NCKAP5: variants seen among roughly 807,000 people sequenced by gnomAD.
NCKAP5 encodes NCK associated protein 5, also known as nck-associated protein 5.
A neutral mutation model predicts 167.0 loss-of-function variants in NCKAP5; 92 were observed. The observed-to-expected ratio is 0.55, with a 90% CI of 0.47 to 0.66. The LOEUF is 0.66. Among genes scored for constraint, NCKAP5 ranks in the 30% least tolerant of loss-of-function variants. The pLI is 0.00. For synonymous variants in NCKAP5, 891 were observed against 877.4 expected (o/e 1.02, Z -0.27); for missense variants, 2,378 against 2,315.0 (o/e 1.03, Z -0.56).
the NCKAP5 span, among the ~76,000 whole-genome samples, chr2:133,580,812 C>T: frequency 1.3e-5 from 2 of 152,180 alleles, no homozygotes; most frequent in African/African-American, 4.8e-5. Context: ...CCATCAAAGA[C>T]ATTCATTATT....
intron 8 of NCKAP5, among the ~76,000 whole-genome samples, chr2:132,933,682 C>A (rs1293049753): frequency 6.6e-6 from 1 of 152,132 alleles, no homozygotes; most frequent in African/African-American, 2.4e-5. Flanking sequence ...TTGATCTGAT[C>A]AAAATGTATG....
At chr2:132,742,112 C>A (rs1679252028) in intron 16 of NCKAP5, among the ~76,000 whole-genome samples, 1 of 151,978 alleles carries the variant, frequency 6.6e-6, no homozygotes, top group African/African-American at 2.4e-5. Flanking sequence ...AGGTTCACTC[C>A]ATCTCTAGCT....
chr2:133,451,053 C>A (rs1462975756), intron 3 of NCKAP5, among the ~76,000 whole-genome samples: 1 of 152,160 alleles, frequency 6.6e-6, no homozygotes, highest in Non-Finnish European at 1.5e-5. Flanking sequence ...GAAATAGGGT[C>A]TTTGTAGCTG....
In NCKAP5 at chr2:132,920,679, AAGTTAGTT is replaced by A. The variant is rs1253406032; in HGVS notation, c.580-41771_580-41764del. On this transcript the variant is annotated intron_variant, in intron 8 of 19. Transcript: ENST00000409261. ...AGAACTTATATATATATATATATAT[AAGTTAGTT>A]TATATATATATATACGTATATGTAT... Among the ~76,000 whole-genome samples, 592 of 110,946 alleles carry A rather than the reference AAGTTAGTT, an allele frequency of 5.3e-3. 37 individuals carry two copies. The highest frequency in any genetic ancestry group is 0.023 in the African/African-American group (532 of 23,558). The allele number at this position is 110,946 out of a possible 152,430, so 72.8% of individuals were successfully genotyped here. A position where few individuals can be genotyped will look rare whatever the true frequency, so the allele number is the denominator to read the frequency against.
At chr2:133,187,362 C>A (rs2084992648) in intron 5 of NCKAP5, among the ~76,000 whole-genome samples, 1 of 151,832 alleles carries the variant, frequency 6.6e-6, no homozygotes, top group African/African-American at 2.4e-5. Flanking sequence ...ACTTGGAAAG[C>A]ACAATGTAAA....
chr2:133,246,089 C>G (rs778372517), intron 4 of NCKAP5, among the ~76,000 whole-genome samples: 12 of 151,996 alleles, frequency 7.9e-5, no homozygotes, highest in Non-Finnish European at 1.5e-4. Context: ...TGGAAACATG[C>G]ATAGCATCTG....
intron 3 of NCKAP5, among the ~76,000 whole-genome samples, chr2:133,350,655 T>A (rs900272883): frequency 6.6e-6 from 1 of 152,078 alleles, no homozygotes; most frequent in Non-Finnish European, 1.5e-5. Context: ...TGTGGTAGTT[T>A]AGATAATAAA....
intron 7 of NCKAP5, among the ~76,000 whole-genome samples, chr2:132,977,507 A>G (rs994733308): frequency 6.6e-6 from 1 of 152,138 alleles, no homozygotes; most frequent in African/African-American, 2.4e-5. Flanking sequence ...TGTCTTCCCT[A>G]AGACACCCTG....
intron 4 of NCKAP5, among the ~76,000 whole-genome samples, chr2:133,293,191 G>A (rs916239893): frequency 2.0e-5 from 3 of 152,180 alleles, no homozygotes; most frequent in African/African-American, 7.2e-5. Flanking sequence ...GAGTGAAGAG[G>A]AAGGGATAAA....
chr2:133,614,880 T>G, the NCKAP5 span, among the ~76,000 whole-genome samples: 1 of 152,056 alleles, frequency 6.6e-6, no homozygotes, highest in African/African-American at 2.4e-5. Context: ...AAGGATAAAA[T>G]GTTAAGGGCA....
chr2:133,078,598 G>C (rs7564815), intron 6 of NCKAP5, among the ~76,000 whole-genome samples: 5,753 of 152,166 alleles, frequency 0.038, 204 homozygotes, highest in African/African-American at 0.094. Context: ...TGTGAGAGTA[G>C]ACAGAAAAGT....
At chr2:133,576,777 T>C in the NCKAP5 span, among the ~76,000 whole-genome samples, 3 of 152,242 alleles carry the variant, frequency 2.0e-5, no homozygotes, top group Non-Finnish European at 4.4e-5. Context: ...ACTAATCTCT[T>C]GGATACAGAG....
At chr2:132,852,754 T>A (rs1689171413) in intron 11 of NCKAP5, among the ~76,000 whole-genome samples, 1 of 152,216 alleles carries the variant, frequency 6.6e-6, no homozygotes, top group African/African-American at 2.4e-5. Context: ...CAAACTCCTA[T>A]TTATTCTTCA....
intron 8 of NCKAP5, among the ~76,000 whole-genome samples, chr2:132,882,684 G>A (rs1040976163): frequency 2.0e-5 from 3 of 152,062 alleles, no homozygotes; most frequent in African/African-American, 7.2e-5. Flanking sequence ...GTTTCTGATA[G>A]TATTCAAATT....
At chr2:133,482,877 T>C (rs1680577599) in intron 3 of NCKAP5, among the ~76,000 whole-genome samples, 1 of 152,196 alleles carries the variant, frequency 6.6e-6, no homozygotes, top group Non-Finnish European at 1.5e-5. Flanking sequence ...TTGTCTTTTT[T>C]TGTCTCTCAT....
chr2:132,796,998 G>A (rs2105171747), intron 11 of NCKAP5, among the ~76,000 whole-genome samples: 1 of 152,156 alleles, frequency 6.6e-6, no homozygotes, highest in South Asian at 2.1e-4. Context: ...ATAAGTAGTA[G>A]TTAAAAAAAT....
chr2:133,127,319 ATC>A (rs1409582668), intron 6 of NCKAP5, among the ~76,000 whole-genome samples: 1 of 152,238 alleles, frequency 6.6e-6, no homozygotes, highest in African/African-American at 2.4e-5. Flanking sequence ...TTGTGTAATT[ATC>A]TGTTACATAT....
chr2:133,188,092 G>A (rs1443121295), intron 5 of NCKAP5, among the ~76,000 whole-genome samples: 1 of 152,080 alleles, frequency 6.6e-6, no homozygotes, highest in South Asian at 2.1e-4. Flanking sequence ...AATTTGGCAT[G>A]TTTTTGCAGT....
At chr2:133,462,966 C>T (rs1326147230) in intron 3 of NCKAP5, among the ~76,000 whole-genome samples, 1 of 152,174 alleles carries the variant, frequency 6.6e-6, no homozygotes, top group Non-Finnish European at 1.5e-5. Flanking sequence ...CTGACTTCAC[C>T]GAATATCTTC....
Sources: allele counts gnomAD v4.1 joint callset (sites outside exome capture counted in the v4.1 genomes callset), GRCh38; gene constraint gnomAD v4.1.1; transcripts MANE v1.5; gene names NCBI Gene and HGNC (gene_info 2026-07-23, HGNC 2026-07-21).